ZRANB3: variants seen among roughly 807,000 people sequenced by gnomAD.
ZRANB3 encodes the protein DNA annealing helicase and endonuclease ZRANB3.
Under a neutral mutation model 133.8 loss-of-function variants are expected in ZRANB3, and 125 were observed. The observed-to-expected ratio is 0.93, with a 90% CI of 0.81 to 1.08. The LOEUF is 1.08. Among genes scored for constraint, ZRANB3 ranks in the 50% least tolerant of loss-of-function variants. The pLI is 0.00. For missense variants in ZRANB3, 1,229 were observed against 1,275.5 expected (o/e 0.96, Z 0.56); for synonymous variants, 387 against 432.7 (o/e 0.89, Z 1.31).
rs138294317 is a variant in ZRANB3, at chr2:135,295,986, C to G, written c.966+17503G>C. 3.0e-3 allele frequency among the ~76,000 whole-genome samples: 455 copies of G among 152,294 alleles called. 2 individuals are homozygous for G. Among genetic ancestry groups the G allele is most frequent in the African/African-American group, 0.01 (429 of 41,558 alleles). Reference sequence around the variant, plus strand: ...GGGCTTCCCTTTGTGAGTAACCCGACCTTTCTCTCTGGCTGCCCTTAACAT... The same window carrying G: ...GGGCTTCCCTTTGTGAGTAACCCGAGCTTTCTCTCTGGCTGCCCTTAACAT... On this transcript the variant is annotated intron_variant, in intron 8 of 20. Transcript: ENST00000264159.
intron 2 of ZRANB3, among the ~76,000 whole-genome samples, chr2:135,402,743 G>A (rs548261541): frequency 1.1e-4 from 16 of 152,050 alleles, no homozygotes; most frequent in African/African-American, 3.1e-4. Context: ...GGGCCACCAC[G>A]TCCAGCTAAT....
intron 3 of ZRANB3, among the ~76,000 whole-genome samples, chr2:135,366,814 CGA>C (rs1400960351): frequency 6.6e-6 from 1 of 151,796 alleles, no homozygotes; most frequent in African/African-American, 2.4e-5. Flanking sequence ...GTCAGGAGAT[CGA>C]GACCATCCTG....
chr2:135,514,533 G>A (rs891579427), intron 1 of ZRANB3, among the ~76,000 whole-genome samples: 1 of 152,180 alleles, frequency 6.6e-6, no homozygotes, highest in Non-Finnish European at 1.5e-5. Flanking sequence ...AGCTTAAGAA[G>A]ATTTTGGGCT....
chr2:135,356,992 T>G (rs966082235), intron 3 of ZRANB3, among the ~76,000 whole-genome samples: 1 of 152,132 alleles, frequency 6.6e-6, no homozygotes, highest in African/African-American at 2.4e-5. Context: ...CCTAATAGAT[T>G]ACATTCTATT....
intron 1 of ZRANB3, among the ~76,000 whole-genome samples, chr2:135,527,959 T>C (rs1213309651): frequency 1.3e-5 from 2 of 152,210 alleles, no homozygotes; most frequent in Non-Finnish European, 2.9e-5. Flanking sequence ...ACTGCCACCA[T>C]TGGCTCCAGA....
At chr2:135,275,247 G>A (rs796216381) in intron 9 of ZRANB3, among the ~76,000 whole-genome samples, 2 of 148,720 alleles carry the variant, frequency 1.3e-5, no homozygotes, top group Non-Finnish European at 3.0e-5. Context: ...CTGGCCGGGC[G>A]GGGGCTGCCC....
At chr2:135,251,590 T>C (rs2105095441) in intron 12 of ZRANB3, among the ~76,000 whole-genome samples, 1 of 152,288 alleles carries the variant, frequency 6.6e-6, no homozygotes, top group African/African-American at 2.4e-5. Flanking sequence ...CTTGTGATAG[T>C]GAATAAGTCT....
At chr2:135,223,499 T>C (rs1239225190) in intron 15 of ZRANB3, among the ~76,000 whole-genome samples, 3 of 151,376 alleles carry the variant, frequency 2.0e-5, no homozygotes, top group Non-Finnish European at 4.4e-5. Flanking sequence ...CTAATTTTCA[T>C]ATTTTTAGTA....
intron 2 of ZRANB3, among the ~76,000 whole-genome samples, chr2:135,407,311 T>C (rs1452439115): frequency 6.6e-6 from 1 of 151,828 alleles, no homozygotes; most frequent in Non-Finnish European, 1.5e-5. Flanking sequence ...CACTGCTCAA[T>C]GAAATAAAAA....
At chr2:135,412,006 C>T (rs1276299357) in intron 2 of ZRANB3, among the ~76,000 whole-genome samples, 5 of 152,040 alleles carry the variant, frequency 3.3e-5, no homozygotes, top group Admixed American at 6.6e-5. Context: ...TTTGTTTATA[C>T]GGTTATCTCT....
chr2:135,441,289 A>C (rs926826432), intron 2 of ZRANB3, among the ~76,000 whole-genome samples: 1 of 152,170 alleles, frequency 6.6e-6, no homozygotes, highest in African/African-American at 2.4e-5. Context: ...CTGACTTTTC[A>C]TCAGACCAAC....
chr2:135,316,892 G>A (rs1337927769), intron 6 of ZRANB3, among the ~76,000 whole-genome samples: 1 of 150,644 alleles, frequency 6.6e-6, no homozygotes, highest in Non-Finnish European at 1.5e-5. Flanking sequence ...CTTGAACCCG[G>A]GAAGCAGAGG....
intron 3 of ZRANB3, among the ~76,000 whole-genome samples, chr2:135,386,698 T>C (rs1282491842): frequency 1.3e-5 from 2 of 152,168 alleles, no homozygotes; most frequent in African/African-American, 2.4e-5. Context: ...TGCAGAGACA[T>C]GGATGAAGCT....
At chr2:135,235,693 A>T (rs1388396636) in intron 12 of ZRANB3, among the ~76,000 whole-genome samples, 1 of 150,720 alleles carries the variant, frequency 6.6e-6, no homozygotes, top group Non-Finnish European at 1.5e-5. Context: ...AAACCACATG[A>T]TTATCTCAAT....
intron 16 of ZRANB3, 148 bp downstream of exon 16, chr2:135,218,929 C>T (rs557956969): frequency 3.6e-6 from 2 of 552,050 alleles, no homozygotes; most frequent in Non-Finnish European, 6.2e-6. Flanking sequence ...ATAGGCACCA[C>T]CTAGAATGAT....
chr2:135,400,936 C>T (rs986809440), intron 2 of ZRANB3, among the ~76,000 whole-genome samples: 11 of 152,160 alleles, frequency 7.2e-5, no homozygotes, highest in Non-Finnish European at 1.5e-4. Flanking sequence ...ACTGTTAAGT[C>T]ATTTAGATTA....
rs200286702 is a variant in ZRANB3, at chr2:135,391,582, C to CTT, written c.162-764_162-763dup. ...CTTTAAGATGAGTTTTTATTTCTTT[C>CTT]TTTTTTTTTTTTTTTGAGACGGAGT... On this transcript the variant is annotated intron_variant, in intron 2 of 20. Transcript: ENST00000264159. 2.8e-3 allele frequency among the ~76,000 whole-genome samples: 394 copies of CTT among 142,138 alleles called. 1 individual carries two copies. Among genetic ancestry groups the CTT allele is most frequent in the African/African-American group, 8.9e-3 (346 of 38,980 alleles). The allele number at this position is 142,138 out of a possible 152,430, so 93.2% of individuals were successfully genotyped here.
rs961065727 is a variant in ZRANB3 at position 135,513,743 on chromosome 2, T to G, written c.-7-9247A>C. On this transcript the variant is annotated intron_variant, in intron 1 of 20. Coordinates refer to ENST00000264159, the MANE Select transcript of ZRANB3 (RefSeq NM_032143.4). ...GTATTGCCTAGGTTTTCTTCTAAGG[T>G]TTTTATGGTTTTAGGTCTTATGTTT... Among the ~76,000 whole-genome samples, 3 of 152,166 alleles carry G rather than the reference T, an allele frequency of 2.0e-5. 1 individual carries two copies. In the South Asian group the frequency reaches 6.2e-4, roughly 31 times the overall value.
In ZRANB3 at chr2:135,209,118, AAATGG is replaced by A. The variant is rs1432253035; in HGVS notation, c.2496-145_2496-141del. 4.3e-6 allele frequency: 3 copies of A among 703,102 alleles called. No homozygotes were observed. In the African/African-American group the frequency reaches 5.4e-5, roughly 13 times the overall value. The allele number at this position is 703,102 out of a possible 1,614,324, so 43.6% of individuals were successfully genotyped here. On this transcript the variant is annotated intron_variant, in intron 17 of 20. Coordinates refer to ENST00000264159, the MANE Select transcript of ZRANB3 (RefSeq NM_032143.4). ...TAACTGTGCTGAAACTCAAGTTAGA[AAATGG>A]AATTTTTACCCTTTATCTTGGTGTC...
Sources: gnomAD v4.1 joint callset for allele counts (sites outside exome capture counted in the v4.1 genomes callset) on GRCh38, gnomAD v4.1.1 for gene constraint, MANE v1.5 for transcripts, NCBI Gene and HGNC (gene_info 2026-07-23, HGNC 2026-07-21) for gene names.